TAFA2: variants seen among roughly 807,000 people sequenced by gnomAD.
TAFA2 encodes chemokine-like protein TAFA-2.
TAFA2 carries 7 observed loss-of-function variants against 18.8 expected under a neutral mutation model. The ratio of observed to expected loss-of-function variants is 0.37; its 90% confidence interval spans 0.21 to 0.70. TAFA2 has a LOEUF of 0.70. Among genes scored for constraint, TAFA2 ranks in the 30% least tolerant of loss-of-function variants. The pLI is 0.53. For synonymous variants in TAFA2, 60 were observed against 54.2 expected (o/e 1.11, Z -0.47); for missense variants, 122 against 158.1 (o/e 0.77, Z 1.23).
At chr12:62,066,625 T>C (rs145035226) in intron 1 of TAFA2, among the ~76,000 whole-genome samples, 104 of 152,242 alleles carry the variant, frequency 6.8e-4, no homozygotes, top group Non-Finnish European at 1.1e-3. Context: ...GTTCCATCCA[T>C]GTTGTTGCAA....
Position 62,087,069 on chromosome 12 carries a change from G to A in TAFA2, c.-2+104190C>T, listed in dbSNP as rs183356976. On this transcript the variant is annotated intron_variant, in intron 1 of 4. Transcript: ENST00000416284. ...AAATACCGTATGATTCCATTTATAA[G>A]AGGCACTTAGAGTAGTCAAATTTGT... 3.3e-5 allele frequency among the ~76,000 whole-genome samples: 5 copies of A among 152,230 alleles called. No homozygotes were observed. In the East Asian group the frequency reaches 9.7e-4, roughly 29 times the overall value.
intron 1 of TAFA2, among the ~76,000 whole-genome samples, chr12:62,103,539 C>T (rs753231569): frequency 2.0e-5 from 3 of 152,062 alleles, no homozygotes; most frequent in Non-Finnish European, 4.4e-5. Context: ...GTCAGGAGTT[C>T]GAGACCAGCC....
chr12:62,249,278 A>AG (rs1404732713), intron 1 of TAFA2, among the ~76,000 whole-genome samples: 1 of 75,146 alleles, frequency 1.3e-5, no homozygotes, highest in African/African-American at 6.5e-5. Context: ...TTCCTAAAAA[A>AG]AAAAAAAAAA....
rs563529256 is a variant in TAFA2 at position 61,969,270 on chromosome 12, G to A, written c.-1-101844C>T. Among the ~76,000 whole-genome samples the A allele has an allele frequency of 8.6e-5, 13 of 151,610 alleles. 2 individuals are homozygous for A. Among genetic ancestry groups the A allele is most frequent in the African/African-American group, 2.9e-4 (12 of 41,444 alleles). Reference sequence around the variant, plus strand: ...CTAGCAAATTTTAAGGTTAAAAAACGATTGTTTTAATAATCTAAACTTTTC... The same window carrying A: ...CTAGCAAATTTTAAGGTTAAAAAACAATTGTTTTAATAATCTAAACTTTTC... On this transcript the variant is annotated intron_variant, in intron 1 of 4. Coordinates refer to ENST00000416284, the MANE Select transcript of TAFA2 (RefSeq NM_178539.5).
chr12:61,930,415 T>G (rs1592495067), intron 1 of TAFA2, among the ~76,000 whole-genome samples: 1 of 152,308 alleles, frequency 6.6e-6, no homozygotes, highest in East Asian at 1.9e-4. Context: ...AGACATGCAT[T>G]CAACACTTCG....
At chr12:62,155,237 A>T (rs1294900527) in intron 1 of TAFA2, among the ~76,000 whole-genome samples, 6 of 152,174 alleles carry the variant, frequency 3.9e-5, no homozygotes, top group Non-Finnish European at 8.8e-5. Flanking sequence ...AATATACCTA[A>T]CCAAGGAGTC....
At chr12:61,977,459 C>T (rs1355785266) in intron 1 of TAFA2, among the ~76,000 whole-genome samples, 1 of 152,034 alleles carries the variant, frequency 6.6e-6, no homozygotes, top group African/African-American at 2.4e-5. Flanking sequence ...TCCTATTTGA[C>T]CTTGTTTGCC....
intron 1 of TAFA2, among the ~76,000 whole-genome samples, chr12:61,886,361 G>A (rs115769312): frequency 0.012 from 1,805 of 152,004 alleles, 35 homozygotes; most frequent in African/African-American, 0.04. Context: ...CTTTGTTCTC[G>A]CTACCACCCC....
intron 1 of TAFA2, among the ~76,000 whole-genome samples, chr12:61,986,442 G>A (rs1314647171): frequency 6.6e-6 from 1 of 151,864 alleles, no homozygotes; most frequent in Non-Finnish European, 1.5e-5. Context: ...GGTATTATAG[G>A]CATGCACCAC....
At chr12:62,127,056 A>C (rs1434922931) in intron 1 of TAFA2, among the ~76,000 whole-genome samples, 1 of 152,078 alleles carries the variant, frequency 6.6e-6, no homozygotes, top group Non-Finnish European at 1.5e-5. Flanking sequence ...AACACTTCTT[A>C]AGTAAGTTGA....
intron 1 of TAFA2, among the ~76,000 whole-genome samples, chr12:62,011,522 G>A (rs1279433633): frequency 6.6e-6 from 1 of 152,082 alleles, no homozygotes; most frequent in Non-Finnish European, 1.5e-5. Context: ...TGCAAGATGT[G>A]CTTTGTTAAA....
intron 2 of TAFA2, among the ~76,000 whole-genome samples, chr12:61,851,190 G>A (rs1592433856): frequency 6.6e-6 from 1 of 152,178 alleles, no homozygotes; most frequent in South Asian, 2.1e-4. Context: ...GTGATGAGAT[G>A]TAAAGAGTGC....
chr12:62,052,197 C>T (rs372596555), intron 1 of TAFA2, among the ~76,000 whole-genome samples: 1 of 51,292 alleles, frequency 1.9e-5, no homozygotes, highest in African/African-American at 4.9e-5. Context: ...TGCATGCGTG[C>T]GTGTGTGCAT....
At chr12:62,241,501 A>G (rs974541560) in intron 1 of TAFA2, among the ~76,000 whole-genome samples, 1 of 152,194 alleles carries the variant, frequency 6.6e-6, no homozygotes, top group Non-Finnish European at 1.5e-5. Flanking sequence ...TCGTTGCACT[A>G]TAATTTCTTG....
At chr12:62,041,829 C>T (rs1247513935) in intron 1 of TAFA2, among the ~76,000 whole-genome samples, 2 of 152,034 alleles carry the variant, frequency 1.3e-5, no homozygotes, top group Admixed American at 6.5e-5. Flanking sequence ...TTTCTCACAA[C>T]CCTAGAAGAT....
At chr12:62,147,860 A>T (rs925895036) in intron 1 of TAFA2, among the ~76,000 whole-genome samples, 15 of 152,136 alleles carry the variant, frequency 9.9e-5, no homozygotes, top group African/African-American at 3.4e-4. Context: ...ACTTAAAAAC[A>T]TCAACAAGAA....
intron 1 of TAFA2, among the ~76,000 whole-genome samples, chr12:61,928,124 T>G (rs1877386664): frequency 6.6e-6 from 1 of 152,078 alleles, no homozygotes; most frequent in Non-Finnish European, 1.5e-5. Flanking sequence ...GACTAAAACA[T>G]CAAAATCAAT....
intron 2 of TAFA2, among the ~76,000 whole-genome samples, chr12:61,859,952 T>TA (rs1201617098): frequency 6.6e-6 from 1 of 152,072 alleles, no homozygotes; most frequent in Non-Finnish European, 1.5e-5. Context: ...CATTTTAACA[T>TA]AAAAAAGAGA....
intron 1 of TAFA2, among the ~76,000 whole-genome samples, chr12:61,963,318 G>T (rs1878954834): frequency 6.6e-6 from 1 of 151,528 alleles, no homozygotes; most frequent in Non-Finnish European, 1.5e-5. Context: ...CACAATGGTT[G>T]AAAAGCATTC....
Sources: allele counts gnomAD v4.1 joint callset (sites outside exome capture counted in the v4.1 genomes callset), GRCh38; gene constraint gnomAD v4.1.1; transcripts MANE v1.5; gene names NCBI Gene and HGNC (gene_info 2026-07-23, HGNC 2026-07-21).